The following GSAP variants were observed in gnomAD, a reference collection of about 807,000 sequenced individuals.
GSAP encodes the protein gamma-secretase activating protein.
In GSAP, 118 loss-of-function variants were observed where a neutral mutation model predicts 131.7. The observed-to-expected ratio is 0.90, with a 90% CI of 0.77 to 1.04. GSAP has a LOEUF of 1.04. Ranked by LOEUF, GSAP falls within the 50% of genes least tolerant of loss-of-function variation. GSAP has a pLI of 0.00. For synonymous variants in GSAP, 381 were observed against 363.4 expected (o/e 1.05, Z -0.55); for missense variants, 1,019 against 1,013.2 (o/e 1.01, Z -0.08).
chr7:77,399,423 T>C (rs1240266283), intron 3 of GSAP, among the ~76,000 whole-genome samples: 4 of 152,204 alleles, frequency 2.6e-5, no homozygotes, highest in Admixed American at 6.5e-5. Flanking sequence ...AATTCACTTA[T>C]CACCAAACCC....
intron 18 of GSAP, chr7:77,351,041 G>T: frequency 1.4e-6 from 1 of 729,816 alleles, no homozygotes; most frequent in Non-Finnish European, 1.7e-6. Context: ...AATAAAAATT[G>T]ATATTTGTCT....
intron 19 of GSAP, among the ~76,000 whole-genome samples, chr7:77,338,162 CTCAA>C (rs989675631): frequency 2.0e-5 from 3 of 152,006 alleles, no homozygotes; most frequent in South Asian, 2.1e-4. Flanking sequence ...GAGACCCTAT[CTCAA>C]TCAATCAATC....
intron 27 of GSAP, among the ~76,000 whole-genome samples, chr7:77,313,970 C>T (rs892853335): frequency 2.6e-5 from 4 of 152,156 alleles, no homozygotes; most frequent in Non-Finnish European, 2.9e-5. Flanking sequence ...TAAGCCATTT[C>T]GTGACATTTT....
chr7:77,329,903 TA>T (rs1712574969), intron 20 of GSAP: 1 of 176,592 alleles, frequency 5.7e-6, no homozygotes, highest in African/African-American at 2.4e-5. Context: ...CCCCAACCCC[TA>T]ATGACCACTA....
chr7:77,319,622 C>T (rs1440139070), intron 26 of GSAP, among the ~76,000 whole-genome samples: 1 of 152,144 alleles, frequency 6.6e-6, no homozygotes, highest in African/African-American at 2.4e-5. Context: ...AACATATTCA[C>T]AATAGCCAAG....
chr7:77,396,196 G>T (rs1327066092), intron 5 of GSAP, among the ~76,000 whole-genome samples: 2 of 150,848 alleles, frequency 1.3e-5, no homozygotes, highest in Admixed American at 1.3e-4. Flanking sequence ...TATATCTCTT[G>T]AACTTTTTTT....
chr7:77,353,718 C>G (rs530522518), intron 16 of GSAP, 77 bp from the exon 17 acceptor site: 1 of 847,824 alleles, frequency 1.2e-6, no homozygotes, highest in South Asian at 1.5e-5. Context: ...TACAAATATA[C>G]ATGAATCTTT....
intron 1 of GSAP, among the ~76,000 whole-genome samples, chr7:77,408,214 T>A (rs1261646797): frequency 6.6e-6 from 1 of 152,232 alleles, no homozygotes; most frequent in Non-Finnish European, 1.5e-5. Flanking sequence ...ATGAAAGCCC[T>A]ATTTTGCTGA....
rs906445389 is a variant in GSAP, at chr7:77,404,505, C to A, written c.243+54G>T. 2.9e-4 allele frequency: 251 copies of A among 867,548 alleles called. 1 individual carries two copies. The highest frequency in any genetic ancestry group is 4.1e-4 in the Admixed American group (19 of 45,866). 53.7% of individuals were successfully genotyped at this position (867,548 alleles called of 1,614,324 possible). A position where few individuals can be genotyped will look rare whatever the true frequency, so the allele number is the denominator to read the frequency against. On this transcript the variant is annotated intron_variant, in intron 3 of 30. Coordinates refer to ENST00000257626, the MANE Select transcript of GSAP (RefSeq NM_017439.4). ...ATTTATATCTAGAAAAAGGAGGAGA[C>A]AAAGAAAACTCTAAAGGCAGTAAAG...
Position 77,323,648 on chromosome 7 carries a change from A to G in GSAP, c.1922T>C (p.Leu641Pro), listed in dbSNP as rs1339084139. 1.9e-6 allele frequency: 3 copies of G among 1,553,252 alleles called. No homozygotes were observed. Among genetic ancestry groups the G allele is most frequent in the East Asian group, 2.3e-5 (1 of 43,906 alleles). The change falls in exon 24 of 31, where the codon CTG becomes CCG. Residue 641 changes from leucine (L) to proline (P), a missense_variant and splice_region_variant. Leu to Pro is a moderately conservative substitution (Grantham distance 98, BLOSUM62 -3). Coordinates refer to ENST00000257626, the MANE Select transcript of GSAP (RefSeq NM_017439.4). ...EQMVLDYISKLLDLICHIVET... is the reference protein window; with the variant it reads ...EQMVLDYISKPLDLICHIVET... ...AGGAGAATAAAAAGCAAGACCAACC[A>G]GTTTTGAAATGTAGTCCAGAACCAT...
intron 22 of GSAP, 76 bp downstream of exon 22, chr7:77,328,530 C>T: frequency 1.9e-6 from 3 of 1,558,036 alleles, no homozygotes; most frequent in South Asian, 1.2e-5. Context: ...TGCCAACCCA[C>T]AGTGGTAGGA....
intron 19 of GSAP, among the ~76,000 whole-genome samples, chr7:77,336,107 C>T (rs866342877): frequency 6.6e-6 from 1 of 152,188 alleles, no homozygotes; most frequent in Non-Finnish European, 1.5e-5. Context: ...GCTCCTTCTT[C>T]CCCAATATCT....
intron 3 of GSAP, among the ~76,000 whole-genome samples, chr7:77,400,581 C>A (rs1426339525): frequency 2.0e-5 from 3 of 152,110 alleles, no homozygotes; most frequent in Non-Finnish European, 4.4e-5. Flanking sequence ...GTAGGTTGTA[C>A]CACCAACCCC....
intron 1 of GSAP, 39 bp downstream of exon 1, chr7:77,416,174 T>TCCCCCCCCCCCCCCCCCCCCCCCCCC: frequency 9.0e-7 from 1 of 1,113,448 alleles, no homozygotes; most frequent in Non-Finnish European, 1.2e-6. Flanking sequence ...GGACTCCCAC[T>TCCCCCCCCCCCCCCCCCCCCCCCCCC]CCCCGCCCCC....
chr7:77,334,499 G>A (rs560231532), intron 19 of GSAP, among the ~76,000 whole-genome samples: 2 of 149,192 alleles, frequency 1.3e-5, no homozygotes, highest in Admixed American at 1.4e-4. Context: ...TGGGTTGAGA[G>A]GTGCAGCAAA....
At position 77,390,730 on chromosome 7, in the gene GSAP, G is replaced by A. The variant is rs1196548653; in HGVS notation, c.368-3282C>T. 2.0e-5 allele frequency among the ~76,000 whole-genome samples: 3 copies of A among 151,364 alleles called. No homozygotes were observed. The East Asian group carries it at 5.8e-4, about 29-fold the overall frequency. ...TAACAAACCTGCACGTTGTGCACAT[G>A]TACCCTAAAACTTGAAGTATAATAA... On this transcript the variant is annotated intron_variant, in intron 5 of 30. Coordinates refer to ENST00000257626, the MANE Select transcript of GSAP (RefSeq NM_017439.4).
intron 5 of GSAP, among the ~76,000 whole-genome samples, chr7:77,395,787 A>T (rs1034545251): frequency 8.5e-5 from 13 of 152,214 alleles, no homozygotes. Flanking sequence ...TTTTTCCATC[A>T]CATGCAATGG....
At chr7:77,345,592 G>T (rs938569731) in intron 19 of GSAP, among the ~76,000 whole-genome samples, 9 of 152,092 alleles carry the variant, frequency 5.9e-5, no homozygotes, top group African/African-American at 1.9e-4. Flanking sequence ...TTCCACCATT[G>T]CGACTTGTTT....
intron 2 of GSAP, 90 bp from the exon 3 acceptor site, chr7:77,404,705 T>A (rs1801943324): frequency 1.1e-5 from 8 of 742,058 alleles, no homozygotes; most frequent in South Asian, 1.0e-4. Flanking sequence ...AATAACTCAA[T>A]CTTAGCAGTA....
Sources: allele counts gnomAD v4.1 joint callset (sites outside exome capture counted in the v4.1 genomes callset), GRCh38; gene constraint gnomAD v4.1.1; transcripts MANE v1.5; gene names NCBI Gene and HGNC (gene_info 2026-07-23, HGNC 2026-07-21).